Variants in AGBL4 observed in about 807,000 individuals in gnomAD.
AGBL4 encodes the protein cytosolic carboxypeptidase 6.
In AGBL4, 58 loss-of-function variants were observed where a neutral mutation model predicts 66.4. That is an observed-to-expected ratio of 0.87 (90% CI 0.71 to 1.09). The LOEUF (loss-of-function observed/expected upper bound fraction) is 1.09, where lower values mean the gene tolerates loss of function less well. Among genes scored for constraint, AGBL4 ranks in the 50% least tolerant of loss-of-function variants. The probability of loss-of-function intolerance (pLI) is 0.00; values close to 1 mark genes in which losing one functional copy is unlikely to be tolerated. For missense variants in AGBL4, 579 were observed against 631.0 expected (o/e 0.92, Z 0.88); for synonymous variants, 234 against 222.9 (o/e 1.05, Z -0.44).
intron 3 of AGBL4, among the ~76,000 whole-genome samples, chr1:49,523,091 C>T (rs982086912): frequency 1.3e-5 from 2 of 152,018 alleles, no homozygotes; most frequent in Admixed American, 1.3e-4. Context: ...CTTTGGAGTT[C>T]TTGGGCTGTT....
At chr1:49,650,094 A>C (rs2124442797) in intron 3 of AGBL4, among the ~76,000 whole-genome samples, 1 of 152,318 alleles carries the variant, frequency 6.6e-6, no homozygotes, top group South Asian at 2.1e-4. Flanking sequence ...TTGAATCCAA[A>C]GTAAGCAGAA....
intron 3 of AGBL4, among the ~76,000 whole-genome samples, chr1:49,325,416 C>T (rs1645210313): frequency 6.6e-6 from 1 of 152,172 alleles, no homozygotes; most frequent in African/African-American, 2.4e-5. Context: ...ATCCCATTAA[C>T]TCCCCTCTAC....
intron 1 of AGBL4, among the ~76,000 whole-genome samples, chr1:49,887,516 A>G (rs998907196): frequency 1.3e-5 from 2 of 152,090 alleles, no homozygotes; most frequent in Non-Finnish European, 1.5e-5. Flanking sequence ...ACAAGCTTAT[A>G]TGGGTATATA....
intron 1 of AGBL4, among the ~76,000 whole-genome samples, chr1:49,932,494 A>C (rs181597196): frequency 1.3e-5 from 2 of 152,174 alleles, no homozygotes; most frequent in Admixed American, 1.3e-4. Context: ...CAATAAAAGA[A>C]ATTGATAAAC....
chr1:49,487,322 C>T (rs1262399805), intron 3 of AGBL4, among the ~76,000 whole-genome samples: 1 of 151,926 alleles, frequency 6.6e-6, no homozygotes, highest in East Asian at 1.9e-4. Flanking sequence ...ATCCTCATGA[C>T]AACTATATGA....
chr1:49,192,939 G>A (rs1647151102), intron 4 of AGBL4, among the ~76,000 whole-genome samples: 1 of 152,064 alleles, frequency 6.6e-6, no homozygotes, highest in Non-Finnish European at 1.5e-5. Flanking sequence ...TTTCTTCCTG[G>A]TTCAATCTTA....
At chr1:48,741,674 A>G (rs1211001583) in intron 6 of AGBL4, among the ~76,000 whole-genome samples, 1 of 152,244 alleles carries the variant, frequency 6.6e-6, no homozygotes, top group Non-Finnish European at 1.5e-5. Flanking sequence ...GACAAACCCA[A>G]ATAAAACAAA....
chr1:49,467,397 T>C (rs1557968011), intron 3 of AGBL4, among the ~76,000 whole-genome samples: 1 of 151,874 alleles, frequency 6.6e-6, no homozygotes. Context: ...AGGTTCAATA[T>C]TTGTTCTCAT....
At position 49,451,647 on chromosome 1, in the gene AGBL4, A is replaced by T. The variant is rs374656542; in HGVS notation, c.283-205783T>A. 5.9e-5 allele frequency among the ~76,000 whole-genome samples: 9 copies of T among 152,092 alleles called. No individual in the cohort carries two copies. In the East Asian group the frequency reaches 1.7e-3, roughly 30 times the overall value. On this transcript the variant is annotated intron_variant, in intron 3 of 13. Transcript: ENST00000371839. ...AACCCTGGTAGGAATAATTATTTCC[A>T]ACTTTTGTTAAAACATGTGTAACCC...
intron 5 of AGBL4, among the ~76,000 whole-genome samples, chr1:49,003,879 A>G (rs1661579753): frequency 6.6e-6 from 1 of 152,210 alleles, no homozygotes; most frequent in Non-Finnish European, 1.5e-5. Context: ...TCACCCAAAC[A>G]GGAGCCATTG....
chr1:48,948,045 T>C (rs1395689155), intron 5 of AGBL4, among the ~76,000 whole-genome samples: 1 of 152,120 alleles, frequency 6.6e-6, no homozygotes, highest in Admixed American at 6.6e-5. Context: ...ATATCTTTCA[T>C]AGCATCATCC....
In AGBL4 at chr1:49,580,709, T is replaced by A. The variant is rs998250357; in HGVS notation, c.282+116604A>T. Among the ~76,000 whole-genome samples the A allele has an allele frequency of 4.6e-5, 7 of 152,220 alleles. 1 individual carries two copies. The highest frequency in any genetic ancestry group is 1.7e-4 in the African/African-American group (7 of 41,446). On this transcript the variant is annotated intron_variant, in intron 3 of 13. Coordinates refer to ENST00000371839, the MANE Select transcript of AGBL4 (RefSeq NM_032785.4). ...TTTTTCTTTCAGTACTTTGAATACG[T>A]CATCCCATTCTATTCTGGCCTGTGT...
chr1:49,906,497 A>G (rs1340713176), intron 1 of AGBL4, among the ~76,000 whole-genome samples: 2 of 152,076 alleles, frequency 1.3e-5, no homozygotes, highest in Non-Finnish European at 2.9e-5. Flanking sequence ...TAATAAAAAA[A>G]TCACCCAATC....
chr1:49,456,909 C>G (rs758328206), intron 3 of AGBL4, among the ~76,000 whole-genome samples: 9 of 151,612 alleles, frequency 5.9e-5, no homozygotes, highest in Admixed American at 1.3e-4. Context: ...TATTTTGTTT[C>G]TTTTTATGGC....
At position 48,881,976 on chromosome 1, in the gene AGBL4, T is replaced by C. The variant is rs183844976; in HGVS notation, c.595-14746A>G. On this transcript the variant is annotated intron_variant, in intron 5 of 13. Transcript: ENST00000371839. ...CAAAAGGAGTTCTCCTGGCTGGGCA[T>C]GGTGGTTTATGCCTGTAACCCCAGT... Among the ~76,000 whole-genome samples, 26 of 152,304 alleles carry C rather than the reference T, an allele frequency of 1.7e-4. No homozygotes were observed. In the East Asian group the frequency reaches 4.2e-3, roughly 25 times the overall value.
chr1:49,435,505 C>T (rs981020199), intron 3 of AGBL4, among the ~76,000 whole-genome samples: 1 of 152,150 alleles, frequency 6.6e-6, no homozygotes, highest in Non-Finnish European at 1.5e-5. Flanking sequence ...TAGGCTCCTT[C>T]AAGTACTTTG....
At chr1:49,887,181 A>G (rs1001702112) in intron 1 of AGBL4, among the ~76,000 whole-genome samples, 17 of 149,492 alleles carry the variant, frequency 1.1e-4, no homozygotes, top group East Asian at 3.9e-4. Flanking sequence ...TACATTGTAT[A>G]TATATATATG....
chr1:49,970,756 CAAAAAA>C (rs11308932), intron 1 of AGBL4, among the ~76,000 whole-genome samples: 1 of 135,590 alleles, frequency 7.4e-6, no homozygotes, highest in African/African-American at 2.8e-5. Flanking sequence ...CATACACAAA[CAAAAAA>C]AAAAAACAGA....
At chr1:49,846,502 C>T (rs1646147456) in intron 2 of AGBL4, 1 of 855,976 alleles carries the variant, frequency 1.2e-6, no homozygotes, top group African/African-American at 1.7e-5. Context: ...ATGTCTTTAT[C>T]AACAGGGTGG....
Sources: allele counts gnomAD v4.1 joint callset (sites outside exome capture counted in the v4.1 genomes callset), GRCh38; gene constraint gnomAD v4.1.1; transcripts MANE v1.5; gene names NCBI Gene and HGNC (gene_info 2026-07-23, HGNC 2026-07-21).